ZDHHC14: variants seen among roughly 807,000 people sequenced by gnomAD.
ZDHHC14 encodes the protein zDHHC palmitoyltransferase 14.
A neutral mutation model predicts 47.7 loss-of-function variants in ZDHHC14; 16 were observed. The ratio of observed to expected loss-of-function variants is 0.34; its 90% confidence interval spans 0.23 to 0.51. The LOEUF is 0.51. Among genes scored for constraint, ZDHHC14 ranks in the 20% least tolerant of loss-of-function variants. The pLI, the probability that ZDHHC14 is intolerant of heterozygous loss-of-function variation, is 0.97. For synonymous variants in ZDHHC14, 293 were observed against 278.9 expected, an observed-to-expected ratio of 1.05 and a Z score of -0.50; for missense variants, 515 against 662.5, an observed-to-expected ratio of 0.78 and a Z score of 2.44.
At chr6:157,655,839 C>G (rs942902630) in intron 8 of ZDHHC14, among the ~76,000 whole-genome samples, 8 of 152,296 alleles carry the variant, frequency 5.3e-5, no homozygotes, top group Non-Finnish European at 7.4e-5. Flanking sequence ...TACCCTGTGA[C>G]CCCCATAATA....
At chr6:157,501,975 C>T (rs1362869416) in intron 1 of ZDHHC14, among the ~76,000 whole-genome samples, 1 of 152,220 alleles carries the variant, frequency 6.6e-6, no homozygotes, top group African/African-American at 2.4e-5. Flanking sequence ...ACATGGCCAC[C>T]GTGGAGGTCA....
intron 7 of ZDHHC14, among the ~76,000 whole-genome samples, chr6:157,651,641 T>A (rs1170047663): frequency 2.0e-5 from 3 of 152,060 alleles, no homozygotes; most frequent in Admixed American, 6.6e-5. Context: ...TGATCTTGGC[T>A]CACTGCAACT....
chr6:157,627,183 C>T (rs753039254), intron 3 of ZDHHC14, among the ~76,000 whole-genome samples: 4 of 152,184 alleles, frequency 2.6e-5, no homozygotes, highest in Admixed American at 6.5e-5. Context: ...GCAAGATGAC[C>T]GATTTATGAT....
intron 3 of ZDHHC14, among the ~76,000 whole-genome samples, chr6:157,609,997 G>T (rs1286429028): frequency 1.3e-5 from 2 of 152,192 alleles, no homozygotes; most frequent in Admixed American, 1.3e-4. Flanking sequence ...TGACTTTGTG[G>T]GGTGAATCAT....
chr6:157,543,624 T>C (rs1343824922), intron 2 of ZDHHC14, among the ~76,000 whole-genome samples: 1 of 152,254 alleles, frequency 6.6e-6, no homozygotes, highest in Non-Finnish European at 1.5e-5. Flanking sequence ...GCTGTGGATC[T>C]TGCTGAAAAG....
intron 7 of ZDHHC14, among the ~76,000 whole-genome samples, chr6:157,650,104 A>G (rs682057): frequency 0.49 from 62,364 of 126,328 alleles, 16,688 homozygotes; most frequent in Admixed American, 0.56. Context: ...TGTGCCAGGC[A>G]CTGGGGGTGC....
chr6:157,494,400 C>T (rs551871698), intron 1 of ZDHHC14, among the ~76,000 whole-genome samples: 5 of 152,352 alleles, frequency 3.3e-5, no homozygotes, highest in Admixed American at 2.6e-4. Flanking sequence ...TCTGCCTAGA[C>T]ATCCAAATGG....
At chr6:157,657,940 C>G (rs1190626410) in intron 8 of ZDHHC14, among the ~76,000 whole-genome samples, 1 of 152,212 alleles carries the variant, frequency 6.6e-6, no homozygotes, top group Non-Finnish European at 1.5e-5. Context: ...TGCTTAACCT[C>G]TCTCTGCCTC....
At chr6:157,645,658 G>A (rs17165463) in intron 5 of ZDHHC14, 79 bp from the exon 6 acceptor site, 200,128 of 1,091,096 alleles carry the variant, frequency 0.18, 23,831 homozygotes, top group East Asian at 0.58. Context: ...GTGCCCGGGG[G>A]TGTTTCGGTT....
chr6:157,543,931 G>A (rs17165422), intron 2 of ZDHHC14, among the ~76,000 whole-genome samples: 61,947 of 152,078 alleles, frequency 0.41, 12,704 homozygotes, highest in Admixed American at 0.45. Flanking sequence ...CACTTTAATC[G>A]TTTGTCAGGC....
chr6:157,627,444 A>G (rs1186420160), intron 3 of ZDHHC14, among the ~76,000 whole-genome samples: 5 of 152,218 alleles, frequency 3.3e-5, no homozygotes, highest in African/African-American at 7.2e-5. Context: ...TGTTCTCAAT[A>G]GAAGATCAGC....
chr6:157,382,019 T>C lies in ZDHHC14; in HGVS notation c.-3T>C. On this transcript the variant is annotated 5_prime_UTR_variant, in exon 1 of 9. Transcript: ENST00000359775. ...GTGCGCCCCCAGCCGGCTGCCCTCG[T>C]GGATGCCTCCCGGCGGCGGCGGGCC... The C allele has an allele frequency of 6.7e-7, 1 of 1,496,202 alleles. No individual in the cohort carries two copies. The highest frequency in any genetic ancestry group is 8.9e-7 in the Non-Finnish European group (1 of 1,123,208). 92.7% of individuals were successfully genotyped at this position (1,496,202 alleles called of 1,614,324 possible).
In ZDHHC14 at chr6:157,416,979, T is replaced by TTG. The variant is rs1366630471; in HGVS notation, c.245+34714_245+34715insGT. On this transcript the variant is annotated intron_variant, in intron 1 of 8. Coordinates refer to ENST00000359775, the MANE Select transcript of ZDHHC14 (RefSeq NM_024630.3). ...CGCCACCATGCCTGGCTAGTTTTTT[T>TTG]TTTTTTTTTTTTTTTTTTTTTTGTA... Among the ~76,000 whole-genome samples the TTG allele has an allele frequency of 2.6e-3, 276 of 106,740 alleles. 2 individuals carry two copies. Among genetic ancestry groups the TTG allele is most frequent in the African/African-American group, 8.2e-3 (259 of 31,490 alleles). 70.0% of individuals were successfully genotyped at this position (106,740 alleles called of 152,430 possible). A position where few individuals can be genotyped will look rare whatever the true frequency, so the allele number is the denominator to read the frequency against.
intron 1 of ZDHHC14, among the ~76,000 whole-genome samples, chr6:157,524,259 C>T (rs374421735): frequency 2.6e-5 from 4 of 151,904 alleles, no homozygotes; most frequent in East Asian, 1.9e-4. Flanking sequence ...CTCTTGAGTA[C>T]GGTACCTGGG....
chr6:157,555,923 C>T (rs973067403), intron 2 of ZDHHC14, among the ~76,000 whole-genome samples: 13 of 152,264 alleles, frequency 8.5e-5, no homozygotes, highest in African/African-American at 9.6e-5. Flanking sequence ...CTGAAGGGAC[C>T]GTCCGCCTAG....
chr6:157,391,474 T>C (rs1483479786), intron 1 of ZDHHC14, among the ~76,000 whole-genome samples: 1 of 152,198 alleles, frequency 6.6e-6, no homozygotes, highest in East Asian at 1.9e-4. Flanking sequence ...GTCTCTCTAG[T>C]CTCCTGCCCT....
At chr6:157,446,390 T>C (rs1445518325) in intron 1 of ZDHHC14, among the ~76,000 whole-genome samples, 1 of 151,810 alleles carries the variant, frequency 6.6e-6, no homozygotes, top group Admixed American at 6.6e-5. Flanking sequence ...ATCTCTTCCT[T>C]TTTTTTTGGT....
intron 1 of ZDHHC14, among the ~76,000 whole-genome samples, chr6:157,460,057 C>CAAAAAAAAAA (rs35995673): frequency 2.3e-4 from 27 of 118,048 alleles, no homozygotes; most frequent in South Asian, 6.0e-4. Flanking sequence ...ACTAAAAATA[C>CAAAAAAAAAA]AAAAAAAAAA....
At chr6:157,648,211 T>C (rs1777653358) in intron 7 of ZDHHC14, among the ~76,000 whole-genome samples, 1 of 152,224 alleles carries the variant, frequency 6.6e-6, no homozygotes, top group Admixed American at 6.5e-5. Flanking sequence ...AACAAATAGA[T>C]ATTGAGCAAA....
Sources: gnomAD v4.1 joint callset for allele counts (sites outside exome capture counted in the v4.1 genomes callset) on GRCh38, gnomAD v4.1.1 for gene constraint, MANE v1.5 for transcripts, NCBI Gene and HGNC (gene_info 2026-07-23, HGNC 2026-07-21) for gene names.